The following GLIS3 variants were observed in gnomAD, a reference collection of about 807,000 sequenced individuals.
GLIS3 encodes GLIS family zinc finger 3, also known as zinc finger protein GLIS3.
A neutral mutation model predicts 78.6 loss-of-function variants in GLIS3; 53 were observed. The observed-to-expected ratio is 0.67, with a 90% CI of 0.54 to 0.85. The LOEUF is 0.85. Among genes scored for constraint, GLIS3 ranks in the 40% least tolerant of loss-of-function variants. GLIS3 has a pLI of 0.00. For synonymous variants in GLIS3, 684 were observed against 509.9 expected (o/e 1.34, Z -4.60); for missense variants, 1,703 against 1,231.1 (o/e 1.38, Z -5.74).
chr9:4,460,439 G>A, the GLIS3 span, among the ~76,000 whole-genome samples: 1 of 152,170 alleles, frequency 6.6e-6, no homozygotes, highest in Non-Finnish European at 1.5e-5. Context: ...TGCCATAATG[G>A]AAGTCCACAC....
At chr9:4,210,476 A>G (rs1042023398) in intron 2 of GLIS3, among the ~76,000 whole-genome samples, 4 of 152,240 alleles carry the variant, frequency 2.6e-5, no homozygotes, top group African/African-American at 9.6e-5. Flanking sequence ...TTAGAATAGA[A>G]TAGAATTTCA....
chr9:4,444,181 T>TG, the GLIS3 span, among the ~76,000 whole-genome samples: 1 of 152,218 alleles, frequency 6.6e-6, no homozygotes, highest in Non-Finnish European at 1.5e-5. Flanking sequence ...CAATTCAGAC[T>TG]GCCCTTGTAC....
chr9:4,237,371 G>T (rs12339374), intron 2 of GLIS3, among the ~76,000 whole-genome samples: 7,806 of 151,816 alleles, frequency 0.051, 275 homozygotes, highest in African/African-American at 0.091. Context: ...ACATTAACTG[G>T]AAAAAAATCA....
intron 4 of GLIS3, among the ~76,000 whole-genome samples, chr9:3,983,595 C>T (rs954511555): frequency 3.9e-5 from 6 of 152,104 alleles, no homozygotes; most frequent in Non-Finnish European, 8.8e-5. Context: ...TAATAAAGTC[C>T]AGGCTGAGGT....
intron 4 of GLIS3, among the ~76,000 whole-genome samples, chr9:3,939,658 T>C (rs1390146029): frequency 3.3e-5 from 5 of 152,016 alleles, no homozygotes; most frequent in Non-Finnish European, 7.4e-5. Flanking sequence ...ATCAGATGTT[T>C]CCTCTGTAAC....
intron 2 of GLIS3, among the ~76,000 whole-genome samples, chr9:4,130,113 C>T (rs543467012): frequency 3.9e-5 from 6 of 152,176 alleles, no homozygotes; most frequent in East Asian, 3.9e-4. Context: ...TTCTAAGCAG[C>T]GAAGAGTTCA....
intron 2 of GLIS3, among the ~76,000 whole-genome samples, chr9:4,180,973 G>T (rs10974370): frequency 0.26 from 39,126 of 152,042 alleles, 5,919 homozygotes; most frequent in South Asian, 0.44. Context: ...TTTTGGAGGT[G>T]GGGAACAAGG....
intron 4 of GLIS3, among the ~76,000 whole-genome samples, chr9:4,074,712 G>A (rs1180957595): frequency 6.6e-6 from 1 of 152,138 alleles, no homozygotes; most frequent in Non-Finnish European, 1.5e-5. Flanking sequence ...TTCTTAGATA[G>A]CATTAACTTA....
At chr9:3,839,099 C>G (rs550058885) in intron 9 of GLIS3, among the ~76,000 whole-genome samples, 1 of 152,156 alleles carries the variant, frequency 6.6e-6, no homozygotes, top group African/African-American at 2.4e-5. Flanking sequence ...TCTTAAGTAG[C>G]CTTCTGACAT....
intron 2 of GLIS3, among the ~76,000 whole-genome samples, chr9:4,243,541 T>C (rs1236588528): frequency 6.6e-6 from 1 of 152,188 alleles, no homozygotes; most frequent in African/African-American, 2.4e-5. Context: ...AGATTTAGAA[T>C]AAAGAATATA....
At chr9:4,323,795 A>C (rs1181154960) in intron 2 of GLIS3, among the ~76,000 whole-genome samples, 3 of 152,224 alleles carry the variant, frequency 2.0e-5, no homozygotes, top group African/African-American at 7.2e-5. Flanking sequence ...TTAAATCCTC[A>C]GCCTAAAGCA....
At chr9:4,413,189 C>G in the GLIS3 span, among the ~76,000 whole-genome samples, 33 of 152,286 alleles carry the variant, frequency 2.2e-4, no homozygotes, top group Admixed American at 1.8e-3. Context: ...GTGATACCCA[C>G]TAACTCAGAG....
intron 2 of GLIS3, among the ~76,000 whole-genome samples, chr9:4,270,706 C>T (rs893216882): frequency 2.0e-5 from 3 of 152,218 alleles, no homozygotes; most frequent in Non-Finnish European, 4.4e-5. Context: ...AATTCACTCT[C>T]CCTGTGTGAC....
intron 2 of GLIS3, among the ~76,000 whole-genome samples, chr9:4,197,868 A>T (rs1477507911): frequency 2.0e-5 from 3 of 152,196 alleles, no homozygotes; most frequent in East Asian, 1.9e-4. Context: ...TGTAGAAGTA[A>T]AGCCAAAAGA....
chr9:4,025,985 T>C (rs1478098384), intron 4 of GLIS3, among the ~76,000 whole-genome samples: 1 of 152,156 alleles, frequency 6.6e-6, no homozygotes, highest in East Asian at 1.9e-4. Context: ...CAGGTAATGT[T>C]TAAAAGTAGA....
At chr9:4,114,625 G>C (rs545573497) in intron 4 of GLIS3, among the ~76,000 whole-genome samples, 20 of 152,318 alleles carry the variant, frequency 1.3e-4, no homozygotes, top group African/African-American at 4.8e-4. Context: ...ATAGATAGCA[G>C]TGAATGGAGT....
At chr9:4,416,820 T>TTG in the GLIS3 span, among the ~76,000 whole-genome samples, 1 of 143,378 alleles carries the variant, frequency 7.0e-6, no homozygotes, top group African/African-American at 2.7e-5. Flanking sequence ...CAGTTTTTTT[T>TTG]TTTTTTTTTT....
the GLIS3 span, among the ~76,000 whole-genome samples, chr9:4,483,827 A>G: frequency 2.0e-5 from 3 of 151,948 alleles, no homozygotes; most frequent in African/African-American, 7.3e-5. Context: ...GAAAACTTAC[A>G]CAAGGAGCTG....
chr9:4,427,824 A>T, the GLIS3 span, among the ~76,000 whole-genome samples: 1 of 151,820 alleles, frequency 6.6e-6, no homozygotes, highest in Non-Finnish European at 1.5e-5. Flanking sequence ...GTGCCACTGC[A>T]CTCCAGCCTA....
Sources: gnomAD v4.1 joint callset for allele counts (sites outside exome capture counted in the v4.1 genomes callset) on GRCh38, gnomAD v4.1.1 for gene constraint, MANE v1.5 for transcripts, NCBI Gene and HGNC (gene_info 2026-07-23, HGNC 2026-07-21) for gene names.